ANKS1A: variants seen among roughly 807,000 people sequenced by gnomAD.
ANKS1A encodes the protein ankyrin repeat and SAM domain-containing protein 1A.
In ANKS1A, 55 loss-of-function variants were observed where a neutral mutation model predicts 120.3. That is an observed-to-expected ratio of 0.46 (90% CI 0.37 to 0.57). The LOEUF (loss-of-function observed/expected upper bound fraction) is 0.57, where lower values mean the gene tolerates loss of function less well. Ranked by LOEUF, ANKS1A falls within the 20% of genes least tolerant of loss-of-function variation. The pLI, the probability that ANKS1A is intolerant of heterozygous loss-of-function variation, is 0.00. For missense variants in ANKS1A, 1,123 were observed against 1,480.3 expected (o/e 0.76, Z 3.96); for synonymous variants, 590 against 604.7 (o/e 0.98, Z 0.36).
intron 9 of ANKS1A, 97 bp downstream of exon 9, chr6:34,989,413 C>T: frequency 9.2e-7 from 1 of 1,081,516 alleles, no homozygotes; most frequent in Non-Finnish European, 1.4e-6. Context: ...CTCATCTTCT[C>T]ATCAGCTCTT....
intron 1 of ANKS1A, among the ~76,000 whole-genome samples, chr6:34,949,467 C>T (rs570436501): frequency 6.6e-6 from 1 of 152,266 alleles, no homozygotes; most frequent in African/African-American, 2.4e-5. Flanking sequence ...AGGATAGTGA[C>T]AGCATCATAG....
chr6:35,085,731 A>T lies in ANKS1A; in HGVS notation c.3133-35A>T, dbSNP rs1200532162. 1 of 1,545,574 alleles carries T rather than the reference A, an allele frequency of 6.5e-7. No individual in the cohort carries two copies. Among genetic ancestry groups the T allele is most frequent in the African/African-American group, 1.4e-5 (1 of 72,578 alleles). On this transcript the variant is annotated intron_variant, in intron 21 of 23. Transcript: ENST00000360359. This position sits in a 1 kb window ranked among gnomAD's most constrained non-coding sequence, Gnocchi z 4.7. ...ATATCCAGTGTGAAGCGGCTCCTGA[A>T]CCAGGTGCTTAAGTGGTGATCTGCT...
chr6:34,981,594 C>T, intron 3 of ANKS1A, 96 bp from the exon 4 acceptor site: 1 of 1,340,910 alleles, frequency 7.5e-7, no homozygotes, highest in Admixed American at 2.2e-5. Flanking sequence ...TGCTATTTTT[C>T]TCATTTAAAC....
chr6:34,967,374 C>G (rs954626338), intron 2 of ANKS1A, 55 bp downstream of exon 2: 7 of 1,562,758 alleles, frequency 4.5e-6, no homozygotes, highest in African/African-American at 1.4e-5. Flanking sequence ...CAGGCCTTCA[C>G]GTTGCCTTTT....
At chr6:35,000,317 G>C (rs1398263724) in intron 10 of ANKS1A, among the ~76,000 whole-genome samples, 1 of 150,942 alleles carries the variant, frequency 6.6e-6, no homozygotes, top group Admixed American at 6.6e-5. Flanking sequence ...CTTATTAATA[G>C]CAAAGGATAA....
chr6:34,972,862 G>C (rs1771254782), intron 3 of ANKS1A, among the ~76,000 whole-genome samples: 1 of 152,164 alleles, frequency 6.6e-6, no homozygotes, highest in South Asian at 2.1e-4. Context: ...TTGGGAAATG[G>C]TGGGTGGTTT....
chr6:34,983,910 G>A (rs566186157), intron 7 of ANKS1A, among the ~76,000 whole-genome samples: 22 of 151,368 alleles, frequency 1.5e-4, no homozygotes, highest in South Asian at 8.3e-4. Flanking sequence ...TCCTGCCTCA[G>A]CCTCCCAAGT....
chr6:35,062,883 G>A (rs1416161329), intron 13 of ANKS1A, among the ~76,000 whole-genome samples: 1 of 152,176 alleles, frequency 6.6e-6, no homozygotes, highest in East Asian at 1.9e-4. Flanking sequence ...TTTATATTGA[G>A]TCAAAATCTG....
chr6:34,925,505 A>T (rs536972318), intron 1 of ANKS1A, among the ~76,000 whole-genome samples: 2 of 152,360 alleles, frequency 1.3e-5, no homozygotes, highest in South Asian at 4.1e-4. Flanking sequence ...TAGCCGACTT[A>T]GAACCTTTCT....
At chr6:35,096,400 A>G, downstream of ANKS1A, among the ~76,000 whole-genome samples, 1 of 152,162 alleles carries the variant, frequency 6.6e-6, no homozygotes, top group East Asian at 1.9e-4. Flanking sequence ...TTTATATCCT[A>G]TCTGTGAGGC....
At chr6:34,974,058 CTTCCCCTTCCA>C (rs1408550279) in intron 3 of ANKS1A, among the ~76,000 whole-genome samples, 3 of 44,844 alleles carry the variant, frequency 6.7e-5, no homozygotes, top group Non-Finnish European at 1.3e-4. Context: ...TTCCCCTTCC[CTTCCCCTTCCA>C]TTCCCCTTCC....
chr6:35,089,203 G>C lies in ANKS1A; in HGVS notation c.*594G>C. On this transcript the variant is annotated 3_prime_UTR_variant, in exon 24 of 24. Coordinates refer to ENST00000360359, the MANE Select transcript of ANKS1A (RefSeq NM_015245.3). ...GCCCAACTTCCTGTCCCTTTCAGGG[G>C]CTAGACACAGGCTTCTCGTAAGAAC... 2 of 994,530 alleles carry C rather than the reference G, an allele frequency of 2.0e-6. No individual in the cohort carries two copies. Among genetic ancestry groups the C allele is most frequent in the Non-Finnish European group, 2.4e-6 (2 of 834,448 alleles). The allele number at this position is 994,530 out of a possible 1,614,324, so 61.6% of individuals were successfully genotyped here.
intron 11 of ANKS1A, among the ~76,000 whole-genome samples, chr6:35,033,575 T>C (rs1354256379): frequency 1.3e-5 from 2 of 152,342 alleles, no homozygotes; most frequent in East Asian, 3.9e-4. Flanking sequence ...ACGCTGTTTC[T>C]CTGTACTAAA....
Position 35,017,722 on chromosome 6 carries a change from G to A in ANKS1A, c.1673G>A (p.Ser558Asn), listed in dbSNP as rs1221265382. The change falls in exon 11 of 24, where the codon AGT (serine) becomes AAT (asparagine). Residue 558 changes from serine (S) to asparagine (N), a missense_variant. By Grantham distance (46) the Ser-to-Asn change is conservative. This residue lies in a region of ANKS1A where 904 missense variants were observed against 1,130.4 expected (regional missense o/e 0.80). Transcript: ENST00000360359. ...CATGCTCCTGGAGCCTCCCAGCCCA[G>A]TGCCCTGGACCAGAGCAAGAGAGTG... ...GVHAPGASQPSALDQSKRVGY... is the reference protein window; with the variant it reads ...GVHAPGASQPNALDQSKRVGY... The A allele has an allele frequency of 6.2e-7, 1 of 1,614,050 alleles. No individual in the cohort carries two copies. Among genetic ancestry groups the A allele is most frequent in the Non-Finnish European group, 8.5e-7 (1 of 1,180,032 alleles).
At chr6:35,004,200 G>T (rs1773319601) in intron 10 of ANKS1A, among the ~76,000 whole-genome samples, 1 of 152,148 alleles carries the variant, frequency 6.6e-6, no homozygotes, top group South Asian at 2.1e-4. Context: ...CTCACTCAGG[G>T]AGCTCGGATT....
chr6:34,943,982 T>G (rs1769655894), intron 1 of ANKS1A, among the ~76,000 whole-genome samples: 1 of 152,196 alleles, frequency 6.6e-6, no homozygotes, highest in Non-Finnish European at 1.5e-5. Context: ...TCTTTTAAAG[T>G]AGACATATAG....
At chr6:35,005,676 A>G (rs1773409652) in intron 10 of ANKS1A, 1 of 436,748 alleles carries the variant, frequency 2.3e-6, no homozygotes, top group Non-Finnish European at 4.5e-6. Context: ...CTTGATCATT[A>G]AAATGAATTT....
chr6:35,083,290 C>A, intron 19 of ANKS1A, 64 bp downstream of exon 19: 1 of 1,600,722 alleles, frequency 6.2e-7, no homozygotes, highest in Non-Finnish European at 8.6e-7. Context: ...GCAATGGGGG[C>A]AGTAGCTGCA....
Position 35,087,010 on chromosome 6 carries a change from T to C in ANKS1A, c.3362T>C (p.Val1121Ala). 2 of 1,614,210 alleles carry C rather than the reference T, an allele frequency of 1.2e-6. No homozygotes were observed. The highest frequency in any genetic ancestry group is 4.5e-5 in the East Asian group (2 of 44,886). Residue 1121 changes from valine to alanine, a missense_variant, in exon 23 of 24, where the codon GTG becomes GCG. Physicochemically the swap from Val to Ala is moderately conservative, Grantham distance 64 (BLOSUM62 0). This residue lies in a region of ANKS1A where 904 missense variants were observed against 1,130.4 expected (regional missense o/e 0.80). Coordinates refer to ENST00000360359, the MANE Select transcript of ANKS1A (RefSeq NM_015245.3). Reference protein sequence around the residue: ...AQSHASVSWVVDPKPDSKRSL... With the variant: ...AQSHASVSWVADPKPDSKRSL... ...TCCCATGCCAGTGTCTCCTGGGTTG[T>C]GGACCCCAAACCAGACTCTAAGCGG...
Sources: allele counts gnomAD v4.1 joint callset (sites outside exome capture counted in the v4.1 genomes callset), GRCh38; gene constraint gnomAD v4.1.1; regional missense constraint gnomAD v4.1.1; non-coding constraint Gnocchi (gnomAD v3.1); transcripts MANE v1.5; gene names NCBI Gene and HGNC (gene_info 2026-07-23, HGNC 2026-07-21).